MVB12B: variants seen among roughly 807,000 people sequenced by gnomAD.
MVB12B encodes multivesicular body subunit 12B.
A neutral mutation model predicts 41.6 loss-of-function variants in MVB12B; 16 were observed. That is an observed-to-expected ratio of 0.38 (90% CI 0.26 to 0.58). The LOEUF is 0.58. Ranked by LOEUF, MVB12B falls within the 20% of genes least tolerant of loss-of-function variation. MVB12B has a pLI of 0.62. For missense variants in MVB12B, 274 were observed against 380.2 expected (o/e 0.72, Z 2.32); for synonymous variants, 133 against 139.7 (o/e 0.95, Z 0.34).
chr9:126,466,382 G>T (rs751345159), intron 7 of MVB12B, among the ~76,000 whole-genome samples: 2 of 152,222 alleles, frequency 1.3e-5, no homozygotes, highest in Non-Finnish European at 2.9e-5. Context: ...GTCTCTGCTG[G>T]TGTCATAACT....
chr9:126,345,072 G>T (rs1369774715), intron 2 of MVB12B, among the ~76,000 whole-genome samples: 1 of 152,216 alleles, frequency 6.6e-6, no homozygotes, highest in Non-Finnish European at 1.5e-5. Context: ...CTTACTTTTA[G>T]TGAGACCTTT....
intron 7 of MVB12B, among the ~76,000 whole-genome samples, chr9:126,422,443 T>C (rs1367394751): frequency 6.6e-6 from 1 of 152,196 alleles, no homozygotes; most frequent in African/African-American, 2.4e-5. Context: ...ATTGATAGTG[T>C]TACCTTGGCA....
intron 9 of MVB12B, among the ~76,000 whole-genome samples, chr9:126,497,289 G>T (rs1439802893): frequency 6.6e-6 from 1 of 152,140 alleles, no homozygotes; most frequent in East Asian, 1.9e-4. Context: ...CTGCTCCTGG[G>T]TTGCAGCTCC....
At chr9:126,359,353 A>G (rs1829968609) in intron 2 of MVB12B, among the ~76,000 whole-genome samples, 1 of 152,164 alleles carries the variant, frequency 6.6e-6, no homozygotes, top group African/African-American at 2.4e-5. Context: ...CATAAGGAAT[A>G]TGGATTGGTC....
intron 6 of MVB12B, among the ~76,000 whole-genome samples, chr9:126,411,381 C>T (rs1831643451): frequency 6.6e-6 from 1 of 152,162 alleles, no homozygotes; most frequent in Non-Finnish European, 1.5e-5. Flanking sequence ...CGGTGCCAGG[C>T]AGTGCCTAGC....
chr9:126,401,222 G>C (rs554133120), intron 6 of MVB12B, among the ~76,000 whole-genome samples: 1 of 152,102 alleles, frequency 6.6e-6, no homozygotes, highest in Admixed American at 6.5e-5. Context: ...AGTTCTGACC[G>C]GCAGCCTCCC....
intron 6 of MVB12B, chr9:126,396,763 A>G: frequency 1.0e-6 from 1 of 985,472 alleles, no homozygotes; most frequent in Non-Finnish European, 1.2e-6. Flanking sequence ...ATTTAAACTT[A>G]ACTACCCCTG....
At chr9:126,393,836 C>T (rs1007094312) in intron 5 of MVB12B, among the ~76,000 whole-genome samples, 2 of 152,264 alleles carry the variant, frequency 1.3e-5, no homozygotes, top group African/African-American at 4.8e-5. Flanking sequence ...ACCCTGTCCT[C>T]CTCGGCTTCT....
At chr9:126,438,006 T>C (rs1024567973) in intron 7 of MVB12B, among the ~76,000 whole-genome samples, 3 of 152,246 alleles carry the variant, frequency 2.0e-5, no homozygotes, top group Non-Finnish European at 4.4e-5. Flanking sequence ...CAGAGAATAA[T>C]AGAACACATT....
intron 2 of MVB12B, among the ~76,000 whole-genome samples, chr9:126,380,664 C>T (rs1030713850): frequency 3.3e-5 from 5 of 152,184 alleles, no homozygotes; most frequent in Non-Finnish European, 7.4e-5. Flanking sequence ...TCACCCTCGC[C>T]GCAGGCAGCG....
In MVB12B at chr9:126,488,464, G is replaced by A. The variant is rs377531942; in HGVS notation, c.873+4432G>A. ...AGAACATCTCCCCAGGCTCGCCCAC[G>A]ATTCCCAGACAGGGTGGAGAGCCTG... On this transcript the variant is annotated intron_variant, in intron 9 of 9. Transcript: ENST00000361171. Among the ~76,000 whole-genome samples, 11 of 152,120 alleles carry A rather than the reference G, an allele frequency of 7.2e-5. No individual in the cohort carries two copies. The East Asian group carries it at 1.2e-3, about 16-fold the overall frequency.
intron 7 of MVB12B, among the ~76,000 whole-genome samples, chr9:126,438,503 T>A (rs546884839): frequency 6.6e-6 from 1 of 152,328 alleles, no homozygotes; most frequent in South Asian, 2.1e-4. Context: ...CGGATCCAAG[T>A]CCAGGTGGTG....
At chr9:126,475,658 A>G (rs1200459565) in intron 7 of MVB12B, among the ~76,000 whole-genome samples, 1 of 151,982 alleles carries the variant, frequency 6.6e-6, no homozygotes, top group Non-Finnish European at 1.5e-5. Flanking sequence ...CTCTTGATTC[A>G]GCTCCCACTG....
rs1834003328 is a variant in MVB12B at position 126,503,353 on chromosome 9, C to T, written c.*90C>T. 1 of 1,076,702 alleles carries T rather than the reference C, an allele frequency of 9.3e-7. No homozygotes were observed. Among genetic ancestry groups the T allele is most frequent in the Non-Finnish European group, 1.4e-6 (1 of 740,494 alleles). The allele number at this position is 1,076,702 out of a possible 1,614,324, so 66.7% of individuals were successfully genotyped here. ...CCCCGCCTCCTCCTGCCGCCTCCGC[C>T]AGCCCTCCCTCCCACACTGCCCCAG... On this transcript the variant is annotated 3_prime_UTR_variant, in exon 10 of 10. Coordinates refer to ENST00000361171, the MANE Select transcript of MVB12B (RefSeq NM_033446.3).
chr9:126,422,888 G>C (rs1012029317), intron 7 of MVB12B, among the ~76,000 whole-genome samples: 2 of 152,196 alleles, frequency 1.3e-5, no homozygotes, highest in Non-Finnish European at 2.9e-5. Context: ...GCAAAAGCCA[G>C]TTGTTCCATT....
At chr9:126,474,463 T>C (rs1833381942) in intron 7 of MVB12B, among the ~76,000 whole-genome samples, 1 of 152,186 alleles carries the variant, frequency 6.6e-6, no homozygotes, top group East Asian at 1.9e-4. Flanking sequence ...AACCTCTAGA[T>C]GTTTTAAAAT....
At chr9:126,441,641 AT>A (rs1193710241) in intron 7 of MVB12B, among the ~76,000 whole-genome samples, 2 of 152,260 alleles carry the variant, frequency 1.3e-5, no homozygotes, top group Non-Finnish European at 2.9e-5. Context: ...GGGACTGATT[AT>A]TATATAGTTA....
chr9:126,485,534 CAGG>C (rs1833601621), intron 9 of MVB12B, among the ~76,000 whole-genome samples: 1 of 104,792 alleles, frequency 9.5e-6, no homozygotes, highest in African/African-American at 3.6e-5. Context: ...TTCATGAGGT[CAGG>C]GTACCATCCA....
Position 126,392,082 on chromosome 9 carries a change from G to A in MVB12B, c.426G>A (p.Arg142=). ...TTCCTTCAGAGGAAGTGGCTTTTAG[G>A]AAGAAGAGGCTGTGCATTAAATTTA... ...ETVDTQEVAF[R]KKRLCIKFIP... The change falls in exon 5 of 10, where the codon AGG becomes AGA. Residue 142 remains arginine (R), a synonymous_variant. Transcript: ENST00000361171. This position sits in a 1 kb window ranked among gnomAD's most constrained non-coding sequence, Gnocchi z 4.8. The A allele has an allele frequency of 6.2e-7, 1 of 1,614,208 alleles. No individual in the cohort carries two copies. The highest frequency in any genetic ancestry group is 8.5e-7 in the Non-Finnish European group (1 of 1,180,012).
Sources: gnomAD v4.1 joint callset for allele counts (sites outside exome capture counted in the v4.1 genomes callset) on GRCh38, gnomAD v4.1.1 for gene constraint, Gnocchi (gnomAD v3.1) non-coding constraint, MANE v1.5 for transcripts, NCBI Gene and HGNC (gene_info 2026-07-23, HGNC 2026-07-21) for gene names.